The following KMT5B variants were observed in gnomAD, a reference collection of about 807,000 sequenced individuals.
The protein encoded by KMT5B is histone-lysine N-methyltransferase KMT5B.
KMT5B carries 10 observed loss-of-function variants against 83.2 expected under a neutral mutation model. The ratio of observed to expected loss-of-function variants is 0.12; its 90% confidence interval spans 0.07 to 0.20. The LOEUF (loss-of-function observed/expected upper bound fraction) is 0.20. Ranked by LOEUF, KMT5B falls within the 10% of genes least tolerant of loss-of-function variation. The probability of loss-of-function intolerance (pLI) is 1.00; values close to 1 mark genes in which losing one functional copy is unlikely to be tolerated. For synonymous variants in KMT5B, 349 were observed against 388.8 expected (o/e 0.90, Z 1.20); for missense variants, 753 against 1,067.2 (o/e 0.71, Z 4.10).
intron 1 of KMT5B, among the ~76,000 whole-genome samples, chr11:68,202,451 C>G (rs1859559391): frequency 6.6e-6 from 1 of 152,150 alleles, no homozygotes; most frequent in Admixed American, 6.6e-5. Flanking sequence ...ACATTTTAAC[C>G]CTTAACGTTT....
chr11:68,211,355 G>A (rs1175765678), intron 1 of KMT5B, among the ~76,000 whole-genome samples: 1 of 152,124 alleles, frequency 6.6e-6, no homozygotes, highest in African/African-American at 2.4e-5. Context: ...AAATAAAGGC[G>A]CGAGAGCACT....
chr11:68,164,992 AAT>A lies in KMT5B; in HGVS notation c.1174+1988_1174+1989del, dbSNP rs372020092. On this transcript the variant is annotated intron_variant, in intron 10 of 10. Coordinates refer to ENST00000304363, the MANE Select transcript of KMT5B (RefSeq NM_017635.5). ...CCAAATATTTGGTTTAATAAATATTAATAGTTAAATATTAGTACACCCAACAT... is the reference window on the plus strand; with the variant it reads ...CCAAATATTTGGTTTAATAAATATTAAGTTAAATATTAGTACACCCAACAT... Among the ~76,000 whole-genome samples the A allele has an allele frequency of 1.8e-3, 281 of 152,366 alleles. 1 individual carries two copies. The highest frequency in any genetic ancestry group is 0.011 in the South Asian group (54 of 4,828).
intron 1 of KMT5B, among the ~76,000 whole-genome samples, chr11:68,206,885 T>C (rs2153089344): frequency 6.6e-6 from 1 of 152,186 alleles, no homozygotes; most frequent in South Asian, 2.1e-4. Flanking sequence ...GCACCAGTTC[T>C]GCTTTCCCTA....
At chr11:68,166,652 T>G in intron 10 of KMT5B, 2 of 1,089,594 alleles carry the variant, frequency 1.8e-6, no homozygotes, top group Non-Finnish European at 2.2e-6. Context: ...TCCTTTTGTC[T>G]TCTTGCAGGA....
At chr11:68,189,686 C>T (rs1051692113) in intron 2 of KMT5B, 23 of 357,844 alleles carry the variant, frequency 6.4e-5, no homozygotes, top group Admixed American at 2.3e-4. Flanking sequence ...TATAAAGTAA[C>T]AGACAGAAAA....
chr11:68,170,258 C>A (rs538986965), intron 9 of KMT5B, among the ~76,000 whole-genome samples: 1 of 152,326 alleles, frequency 6.6e-6, no homozygotes, highest in East Asian at 1.9e-4. Flanking sequence ...AATGTGGGCA[C>A]CTCCTAGCTC....
chr11:68,161,541 G>A (rs574115418), intron 10 of KMT5B, among the ~76,000 whole-genome samples: 66 of 151,348 alleles, frequency 4.4e-4, no homozygotes, highest in African/African-American at 1.6e-3. Context: ...AGCAATCCCC[G>A]CCATCTGGAT....
At chr11:68,168,721 C>T (rs921745259) in intron 9 of KMT5B, among the ~76,000 whole-genome samples, 1 of 152,196 alleles carries the variant, frequency 6.6e-6, no homozygotes, top group Non-Finnish European at 1.5e-5. Context: ...AGCAGAGAAA[C>T]ATGCTTCAAA....
intron 10 of KMT5B, among the ~76,000 whole-genome samples, chr11:68,163,296 T>C (rs557392508): frequency 1.3e-5 from 2 of 152,306 alleles, no homozygotes; most frequent in East Asian, 3.9e-4. Flanking sequence ...CGATTAAAGC[T>C]ATGTGAAAAC....
chr11:68,198,437 AAAGAC>A (rs146631548), intron 1 of KMT5B, among the ~76,000 whole-genome samples: 32,571 of 148,430 alleles, frequency 0.22, 3,797 homozygotes, highest in Middle Eastern at 0.24. Context: ...GGAAAGGAAA[AAAGAC>A]AAGACAAGAC....
chr11:68,171,827 T>C lies in KMT5B; in HGVS notation c.654-118A>G. 1.2e-6 allele frequency: 1 copy of C among 822,558 alleles called. No homozygotes were observed. Among genetic ancestry groups the C allele is most frequent in the Non-Finnish European group, 1.9e-6 (1 of 533,246 alleles). 51.0% of individuals were successfully genotyped at this position (822,558 alleles called of 1,614,324 possible). On this transcript the variant is annotated intron_variant, in intron 6 of 10. Coordinates refer to ENST00000304363, the MANE Select transcript of KMT5B (RefSeq NM_017635.5). The surrounding 1 kb of genome is among the most constrained non-coding windows in gnomAD (Gnocchi z 5.1). ...ACTGAAAAGGCCTAGCTGTCTATAC[T>C]TTAGTTAGCTCACTGGGATCCCCAC...
At position 68,165,896 on chromosome 11, in the gene KMT5B, T is replaced by C. The variant is rs749512331; in HGVS notation, c.1174+1086A>G. 5 of 1,612,924 alleles carry C rather than the reference T, an allele frequency of 3.1e-6. No individual in the cohort carries two copies. The South Asian group carries it at 5.5e-5, about 18-fold the overall frequency. ...AGCAGCAGGTAGATTCAGGAATTCATGGCAGTGACATTCACCATCATGGGA... is the reference window on the plus strand; with the variant it reads ...AGCAGCAGGTAGATTCAGGAATTCACGGCAGTGACATTCACCATCATGGGA... On this transcript the variant is annotated intron_variant, in intron 10 of 10. Transcript: ENST00000304363.
chr11:68,172,269 G>A lies in KMT5B; in HGVS notation c.654-560C>T, dbSNP rs150795071. On this transcript the variant is annotated intron_variant, in intron 6 of 10. Transcript: ENST00000304363. ...TTTATTTGAGACGGAATCTCGCTCT[G>A]TTGCCCAGGCTGGAGTGCAGTGGCG... Among the ~76,000 whole-genome samples, 940 of 152,264 alleles carry A rather than the reference G, an allele frequency of 6.2e-3. 7 individuals are homozygous for A. The highest frequency in any genetic ancestry group is 0.022 in the African/African-American group (910 of 41,532).
intron 1 of KMT5B, among the ~76,000 whole-genome samples, chr11:68,208,044 G>A (rs1309875383): frequency 6.7e-6 from 1 of 148,884 alleles, no homozygotes; most frequent in Non-Finnish European, 1.5e-5. Flanking sequence ...TCACCATGTT[G>A]GCCAGGATGG....
intron 10 of KMT5B, among the ~76,000 whole-genome samples, chr11:68,162,508 G>C (rs1854956004): frequency 6.6e-6 from 1 of 152,130 alleles, no homozygotes; most frequent in South Asian, 2.1e-4. Context: ...GACTTTCTCT[G>C]CAATGCCTTT....
chr11:68,166,873 C>T, intron 10 of KMT5B, 109 bp downstream of exon 10: 1 of 1,496,284 alleles, frequency 6.7e-7, no homozygotes, highest in Admixed American at 2.2e-5. Flanking sequence ...CTCACAAGTC[C>T]CAGTCTCTCT....
intron 4 of KMT5B, among the ~76,000 whole-genome samples, chr11:68,177,494 T>C (rs937740809): frequency 1.1e-4 from 16 of 152,076 alleles, no homozygotes; most frequent in African/African-American, 3.9e-4. Flanking sequence ...TGAACAGGTA[T>C]AATACTGTTT....
intron 1 of KMT5B, among the ~76,000 whole-genome samples, chr11:68,198,480 GACAAGACAAGACAAGAC>G (rs1859009262): frequency 4.6e-5 from 6 of 131,068 alleles, no homozygotes; most frequent in African/African-American, 1.9e-4. Flanking sequence ...GACAAGACAA[GACAAGACAAGACAAGAC>G]AGGGCGGCTA....
At chr11:68,196,178 A>AT (rs1021876704) in intron 1 of KMT5B, among the ~76,000 whole-genome samples, 2 of 151,390 alleles carry the variant, frequency 1.3e-5, no homozygotes, top group East Asian at 3.9e-4. Context: ...AATAAAATGC[A>AT]TTTTTTTCCT....
Sources: allele counts gnomAD v4.1 joint callset (sites outside exome capture counted in the v4.1 genomes callset), GRCh38; gene constraint gnomAD v4.1.1; non-coding constraint Gnocchi (gnomAD v3.1); transcripts MANE v1.5; gene names NCBI Gene and HGNC (gene_info 2026-07-23, HGNC 2026-07-21).